The following GSDMA variants were observed in gnomAD, a reference collection of about 807,000 sequenced individuals.
GSDMA encodes gasdermin-A.
A neutral mutation model predicts 54.3 loss-of-function variants in GSDMA; 55 were observed. That is an observed-to-expected ratio of 1.01 (90% CI 0.82 to 1.27). The LOEUF is 1.27. Ranked by LOEUF, GSDMA falls within the 50% of genes most tolerant of loss-of-function variation. GSDMA has a pLI of 0.00. For missense variants in GSDMA, 542 were observed against 542.6 expected, an observed-to-expected ratio of 1.00 and a Z score of 0.01; for synonymous variants, 211 against 224.7, an observed-to-expected ratio of 0.94 and a Z score of 0.54.
chr17:39,974,174 AC>A, intron 8 of GSDMA, 98 bp from the exon 9 acceptor site: 7 of 1,245,004 alleles, frequency 5.6e-6, no homozygotes, highest in Non-Finnish European at 7.7e-6. Context: ...GAGCATGGGT[AC>A]CTAAAGGGGG....
chr17:39,965,648 C>T, intron 1 of GSDMA, 35 bp from the exon 2 acceptor site: 3 of 1,535,640 alleles, frequency 2.0e-6, no homozygotes, highest in Non-Finnish European at 2.7e-6. Flanking sequence ...CCTTGGCAGC[C>T]ACCTTGACAC....
chr17:39,970,391 C>A, intron 3 of GSDMA, 91 bp from the exon 4 acceptor site: 1 of 1,244,448 alleles, frequency 8.0e-7, no homozygotes, highest in South Asian at 1.8e-5. Flanking sequence ...ACCACAATGT[C>A]TAGTTCCTGG....
At chr17:39,964,331 G>A (rs1268423714) in intron 1 of GSDMA, among the ~76,000 whole-genome samples, 1 of 152,140 alleles carries the variant, frequency 6.6e-6, no homozygotes, top group African/African-American at 2.4e-5. Context: ...TACTTTGGGA[G>A]GTCAAGGAGG....
chr17:39,974,419 G>C lies in GSDMA; in HGVS notation c.898G>C (p.Glu300Gln). The stretch of plus-strand genomic sequence containing the variant: ...GAAGAAAAAGGAGCTACAAGACCTT[G>C]AGCTCGCAGTGAGGACCTAGTGGAA... ...LGKKKELQDL[E>Q]LALEGALDKG... The change falls in exon 9 of 12, where the codon GAG (glutamate) becomes CAG (glutamine). Residue 300 changes from glutamate to glutamine, a missense_variant. Transcript: ENST00000301659. 2 of 1,579,858 alleles carry C rather than the reference G, an allele frequency of 1.3e-6. No individual in the cohort carries two copies. The highest frequency in any genetic ancestry group is 1.7e-6 in the Non-Finnish European group (2 of 1,163,104).
Position 39,965,639 on chromosome 17 carries a change from C to T in GSDMA, c.-5-44C>T, listed in dbSNP as rs1598301871. On this transcript the variant is annotated intron_variant, in intron 1 of 11. Coordinates refer to ENST00000301659, the MANE Select transcript of GSDMA (RefSeq NM_178171.5). ...CCTATATCCCGGGCTCCTTGGCAGCCTTGGCAGCCACCTTGACACTCTCCT... is the reference window on the plus strand; with the variant it reads ...CCTATATCCCGGGCTCCTTGGCAGCTTTGGCAGCCACCTTGACACTCTCCT... 1.1e-5 allele frequency: 16 copies of T among 1,505,028 alleles called. No individual in the cohort carries two copies. In the East Asian group the frequency reaches 3.9e-4, roughly 36 times the overall value. The allele number at this position is 1,505,028 out of a possible 1,614,324, so 93.2% of individuals were successfully genotyped here.
At chr17:39,968,337 G>GTTTTTTTTTTTT (rs1258985091) in intron 3 of GSDMA, among the ~76,000 whole-genome samples, 1 of 59,832 alleles carries the variant, frequency 1.7e-5, no homozygotes, top group African/African-American at 1.5e-4. Flanking sequence ...ACTGAGCCCG[G>GTTTTTTTTTTTT]TCTTTTTTTT....
intron 3 of GSDMA, among the ~76,000 whole-genome samples, 155 bp downstream of exon 3, chr17:39,966,592 C>T (rs566171390): frequency 1.3e-5 from 2 of 152,168 alleles, no homozygotes; most frequent in South Asian, 2.1e-4. Flanking sequence ...CCTTCTGGCC[C>T]ATGGCTGCAT....
Position 39,974,419 on chromosome 17 carries a change from G to A in GSDMA, c.898G>A (p.Glu300Lys), listed in dbSNP as rs1249701313. The change falls in exon 9 of 12, where the codon GAG (glutamate) becomes AAG (lysine). Residue 300 changes from glutamate (E) to lysine (K), a missense_variant. Transcript: ENST00000301659. ...LGKKKELQDLELALEGALDKG... is the reference protein window; with the variant it reads ...LGKKKELQDLKLALEGALDKG... ...GAAGAAAAAGGAGCTACAAGACCTT[G>A]AGCTCGCAGTGAGGACCTAGTGGAA... 1.3e-6 allele frequency: 2 copies of A among 1,579,858 alleles called. No homozygotes were observed. Among genetic ancestry groups the A allele is most frequent in the East Asian group, 2.3e-5 (1 of 43,222 alleles).
intron 3 of GSDMA, among the ~76,000 whole-genome samples, chr17:39,968,337 GTC>G (rs1979766061): frequency 1.7e-5 from 1 of 59,838 alleles, no homozygotes; most frequent in African/African-American, 1.5e-4. Flanking sequence ...ACTGAGCCCG[GTC>G]TTTTTTTTTT....
In GSDMA at chr17:39,965,643, G is replaced by C. The variant is rs1244378547; in HGVS notation, c.-5-40G>C. Reference sequence around the variant, plus strand: ...TATCCCGGGCTCCTTGGCAGCCTTGGCAGCCACCTTGACACTCTCCTGTCT... The same window carrying C: ...TATCCCGGGCTCCTTGGCAGCCTTGCCAGCCACCTTGACACTCTCCTGTCT... On this transcript the variant is annotated intron_variant, in intron 1 of 11. Coordinates refer to ENST00000301659, the MANE Select transcript of GSDMA (RefSeq NM_178171.5). 3 of 1,519,190 alleles carry C rather than the reference G, an allele frequency of 2.0e-6. No individual in the cohort carries two copies. In the Middle Eastern group the frequency reaches 5.1e-4, roughly 257 times the overall value. 94.1% of individuals were successfully genotyped at this position (1,519,190 alleles called of 1,614,324 possible). A position where few individuals can be genotyped will look rare whatever the true frequency, so the allele number is the denominator to read the frequency against.
chr17:39,972,204 A>T, intron 6 of GSDMA, 28 bp downstream of exon 6: 2 of 1,508,628 alleles, frequency 1.3e-6, no homozygotes, highest in Non-Finnish European at 1.8e-6. Context: ...CGGGCTTCCC[A>T]CATCTTCCGC....
intron 11 of GSDMA, among the ~76,000 whole-genome samples, chr17:39,976,269 T>G (rs1290144752): frequency 8.1e-6 from 1 of 122,956 alleles, no homozygotes. Flanking sequence ...CCAAATATTG[T>G]AAGCAAATTT....
chr17:39,977,286 TCTTTTC>T lies in GSDMA; in HGVS notation c.*229_*234del, dbSNP rs1980243373. The T allele has an allele frequency of 9.8e-6, 3 of 306,358 alleles. No individual in the cohort carries two copies. Among genetic ancestry groups the T allele is most frequent in the East Asian group, 5.7e-5 (1 of 17,460 alleles). 19.0% of individuals were successfully genotyped at this position (306,358 alleles called of 1,614,324 possible). A position where few individuals can be genotyped will look rare whatever the true frequency, so the allele number is the denominator to read the frequency against. On this transcript the variant is annotated 3_prime_UTR_variant, in exon 12 of 12. Coordinates refer to ENST00000301659, the MANE Select transcript of GSDMA (RefSeq NM_178171.5). Reference sequence around the variant, plus strand: ...CTGATGCTTAAATTTTCTTTACTTTTCTTTTCTTTTTTTTTTTTTTTTTGAGATGGA... The same window carrying T: ...CTGATGCTTAAATTTTCTTTACTTTTTTTTTTTTTTTTTTTTTGAGATGGA...
chr17:39,976,971 A>G lies in GSDMA; in HGVS notation c.1251A>G (p.Gln417=), dbSNP rs1258205654. ...TGGAAGTGCAGAGATCGGGCCCCCAATATATGTGGGACCCAGACACCCTCC... is the reference window on the plus strand; with the variant it reads ...TGGAAGTGCAGAGATCGGGCCCCCAGTATATGTGGGACCCAGACACCCTCC... ...SGLEVQRSGP[Q]YMWDPDTLPR... Residue 417 remains glutamine (Q), a synonymous_variant, in exon 12 of 12, where the codon CAA becomes CAG. Transcript: ENST00000301659. 2 of 1,613,938 alleles carry G rather than the reference A, an allele frequency of 1.2e-6. No individual in the cohort carries two copies. The highest frequency in any genetic ancestry group is 2.2e-5 in the East Asian group (1 of 44,864).
rs1182191127 is a variant in GSDMA at position 39,976,878 on chromosome 17, T to C, written c.1158T>C (p.Pro386=). The C allele has an allele frequency of 6.2e-7, 1 of 1,613,924 alleles. No homozygotes were observed. Among genetic ancestry groups the C allele is most frequent in the South Asian group, 1.1e-5 (1 of 91,084 alleles). Residue 386 remains proline, a synonymous_variant, in exon 12 of 12, where the codon CCT becomes CCC. Coordinates refer to ENST00000301659, the MANE Select transcript of GSDMA (RefSeq NM_178171.5). Reference sequence around the variant, plus strand: ...AAGAGGGTGTTTTCCCCCTGCAACCTGAGCTGCTCTCCTCCCTTGGGGACG... The same window carrying C: ...AAGAGGGTGTTTTCCCCCTGCAACCCGAGCTGCTCTCCTCCCTTGGGGACG... ...LDKEGVFPLQ[P]ELLSSLGDEE...
At chr17:39,974,877 T>C (rs1568132275) in intron 9 of GSDMA, 23 bp from the exon 10 acceptor site, 4 of 1,400,344 alleles carry the variant, frequency 2.9e-6, no homozygotes, top group African/African-American at 1.4e-5. Flanking sequence ...TTATCTTCAA[T>C]AGTCGCCCAC....
At chr17:39,970,772 A>G in intron 4 of GSDMA, 125 bp downstream of exon 4, 8 of 869,048 alleles carry the variant, frequency 9.2e-6, no homozygotes, top group Non-Finnish European at 1.1e-5. Context: ...CCCACCGAGG[A>G]TGCTGAAAAG....
chr17:39,974,350 G>A lies in GSDMA; in HGVS notation c.829G>A (p.Val277Ile), dbSNP rs1160516044. The change falls in exon 9 of 12, where the codon GTA (valine) becomes ATA (isoleucine). Residue 277 changes from valine to isoleucine, a missense_variant. Val to Ile is a conservative substitution (Grantham distance 29). Transcript: ENST00000301659. ...CCAACAAGTGGAGAAGCTGAGCCGA[G>A]TAGGGCAAAGCTCCCTGCTCAGCTC... ...ETQQVEKLSR[V>I]GQSSLLSSLS... The A allele has an allele frequency of 6.8e-6, 11 of 1,606,334 alleles. No homozygotes were observed. Among genetic ancestry groups the A allele is most frequent in the Non-Finnish European group, 9.4e-6 (11 of 1,176,470 alleles).
chr17:39,965,909 T>C lies in GSDMA; in HGVS notation c.214+8T>C. 6.4e-7 allele frequency: 1 copy of C among 1,550,564 alleles called. No homozygotes were observed. The highest frequency in any genetic ancestry group is 1.2e-5 in the South Asian group (1 of 84,090). ...CCGGCAGCTCACCTTCAGGTCAGCC[T>C]CAAGCGGGGCTGGGAACTGAGGGAT... On this transcript the variant is annotated splice_region_variant and intron_variant, in intron 2 of 11. Transcript: ENST00000301659.
Sources: gnomAD v4.1 joint callset for allele counts (sites outside exome capture counted in the v4.1 genomes callset) on GRCh38, gnomAD v4.1.1 for gene constraint, MANE v1.5 for transcripts, NCBI Gene and HGNC (gene_info 2026-07-23, HGNC 2026-07-21) for gene names.